The following ROBO2 variants were observed in gnomAD, a reference collection of about 807,000 sequenced individuals.
ROBO2 encodes the protein roundabout homolog 2.
A neutral mutation model predicts 160.8 loss-of-function variants in ROBO2; 53 were observed. The ratio of observed to expected loss-of-function variants is 0.33; its 90% CI spans 0.26 to 0.41. The LOEUF (loss-of-function observed/expected upper bound fraction) is 0.41. Ranked by LOEUF, ROBO2 falls within the 10% of genes least tolerant of loss-of-function variation. ROBO2 has a pLI of 1.00. For missense variants in ROBO2, 1,577 were observed against 1,722.4 expected (o/e 0.92, Z 1.49); for synonymous variants, 664 against 611.7 (o/e 1.09, Z -1.26).
intron 2 of ROBO2, among the ~76,000 whole-genome samples, chr3:77,293,369 G>C (rs2061563034): frequency 6.6e-6 from 1 of 150,622 alleles, no homozygotes; most frequent in Non-Finnish European, 1.5e-5. Context: ...GATTAAACGG[G>C]TAAGCTGAGG....
At chr3:76,403,873 T>C (rs896216744) in intron 2 of ROBO2, among the ~76,000 whole-genome samples, 1 of 151,604 alleles carries the variant, frequency 6.6e-6, no homozygotes, top group African/African-American at 2.4e-5. Flanking sequence ...CCTTTGGTAT[T>C]TAGGACTACC....
At chr3:77,614,188 T>C (rs1355154776) in intron 21 of ROBO2, among the ~76,000 whole-genome samples, 2 of 152,180 alleles carry the variant, frequency 1.3e-5, no homozygotes, top group African/African-American at 2.4e-5. Context: ...AATTTGTAAG[T>C]GGTGGGCAGG....
At chr3:77,492,016 G>A (rs2086185767) in intron 4 of ROBO2, among the ~76,000 whole-genome samples, 1 of 152,134 alleles carries the variant, frequency 6.6e-6, no homozygotes, top group African/African-American at 2.4e-5. Context: ...ATTATTTGAA[G>A]TAATTTATTT....
intron 8 of ROBO2, among the ~76,000 whole-genome samples, chr3:77,556,802 A>G (rs1283203472): frequency 6.6e-6 from 1 of 151,854 alleles, no homozygotes; most frequent in Non-Finnish European, 1.5e-5. Flanking sequence ...TTTCATATAT[A>G]TTCTTTTATA....
At chr3:77,450,985 T>A (rs2153561945) in intron 2 of ROBO2, among the ~76,000 whole-genome samples, 1 of 152,230 alleles carries the variant, frequency 6.6e-6, no homozygotes, top group South Asian at 2.1e-4. Context: ...CCAAACACCC[T>A]AGTTTTCTTG....
At chr3:76,358,667 C>T (rs1307853163) in intron 2 of ROBO2, among the ~76,000 whole-genome samples, 1 of 151,932 alleles carries the variant, frequency 6.6e-6, no homozygotes, top group Non-Finnish European at 1.5e-5. Flanking sequence ...ATTACATGTA[C>T]ATTTGCTCAA....
intron 2 of ROBO2, among the ~76,000 whole-genome samples, chr3:77,411,296 C>T (rs986111748): frequency 3.9e-5 from 6 of 152,110 alleles, no homozygotes; most frequent in Non-Finnish European, 8.8e-5. Flanking sequence ...ATTAATGAAA[C>T]CTTTATTGAG....
intron 2 of ROBO2, among the ~76,000 whole-genome samples, chr3:77,303,718 T>C (rs949478710): frequency 1.4e-4 from 21 of 152,210 alleles, no homozygotes; most frequent in African/African-American, 5.1e-4. Flanking sequence ...TGTGTGTATA[T>C]ATATACATAA....
chr3:76,220,223 T>G (rs1319452174), intron 2 of ROBO2, among the ~76,000 whole-genome samples: 4 of 151,112 alleles, frequency 2.6e-5, no homozygotes, highest in Admixed American at 6.6e-5. Flanking sequence ...ATATACCTAA[T>G]GCTAAATGAC....
intron 2 of ROBO2, among the ~76,000 whole-genome samples, chr3:76,913,301 A>C (rs1284102380): frequency 6.6e-6 from 1 of 152,122 alleles, no homozygotes; most frequent in Admixed American, 6.5e-5. Flanking sequence ...GAAGATCGTC[A>C]TTACGGAGGG....
In ROBO2 at chr3:76,473,557, A is replaced by G. The variant is rs578260851; in HGVS notation, c.109+535955A>G. Among the ~76,000 whole-genome samples, 4 of 152,304 alleles carry G rather than the reference A, an allele frequency of 2.6e-5. No individual in the cohort carries two copies. In the South Asian group the frequency reaches 8.3e-4, roughly 32 times the overall value. On this transcript the variant is annotated intron_variant, in intron 2 of 26. Transcript: ENST00000487694. ...CTTCCTTTGAGAGTCTGACTAGAAC[A>G]ACAGCCACTTTCACCAGAAAAAATA...
intron 2 of ROBO2, among the ~76,000 whole-genome samples, chr3:77,229,513 T>A (rs1223413168): frequency 6.6e-6 from 1 of 151,512 alleles, no homozygotes; most frequent in Admixed American, 6.6e-5. Context: ...AAAAAAAATA[T>A]AGCCAGGTGT....
At chr3:77,231,363 CAAAAAA>C (rs60535204) in intron 2 of ROBO2, among the ~76,000 whole-genome samples, 10 of 59,666 alleles carry the variant, frequency 1.7e-4, no homozygotes, top group South Asian at 1.8e-3. Flanking sequence ...AGACTCCATC[CAAAAAA>C]AAAAAAAAAA....
chr3:76,555,341 GAGGAAGAGT>G lies in ROBO2; in HGVS notation c.110-542664_110-542656del, dbSNP rs1167695503. ...TGTCAAAAAAGAAGAAGAGGAAGAG[GAGGAAGAGT>G]AGGAAGAGAGAAGAAGAAGAAGAAG... On this transcript the variant is annotated intron_variant, in intron 2 of 26. Coordinates refer to the ROBO2 transcript ENST00000487694. 9.5e-5 allele frequency among the ~76,000 whole-genome samples: 8 copies of G among 83,780 alleles called. 1 individual carries two copies. The East Asian group carries it at 1.2e-3, about 13-fold the overall frequency. The allele number at this position is 83,780 out of a possible 152,430, so 55.0% of individuals were successfully genotyped here. A position where few individuals can be genotyped will look rare whatever the true frequency, so the allele number is the denominator to read the frequency against.
intron 2 of ROBO2, among the ~76,000 whole-genome samples, chr3:76,290,276 G>A (rs1389138020): frequency 6.6e-6 from 1 of 152,022 alleles, no homozygotes; most frequent in African/African-American, 2.4e-5. Context: ...GTATTCCTGG[G>A]TATTTTATTC....
At chr3:76,280,585 A>G (rs571705909) in intron 2 of ROBO2, among the ~76,000 whole-genome samples, 1 of 152,158 alleles carries the variant, frequency 6.6e-6, no homozygotes, top group Admixed American at 6.6e-5. Flanking sequence ...TTAATAGACG[A>G]ATCCACTTCC....
At chr3:77,000,964 G>T in intron 2 of ROBO2, among the ~76,000 whole-genome samples, 1 of 152,078 alleles carries the variant, frequency 6.6e-6, no homozygotes, top group East Asian at 1.9e-4. Flanking sequence ...GAGTCTTAAC[G>T]CATCCAGTTT....
chr3:76,437,031 T>C (rs1559942922), intron 2 of ROBO2, among the ~76,000 whole-genome samples: 1 of 152,224 alleles, frequency 6.6e-6, no homozygotes, highest in Non-Finnish European at 1.5e-5. Context: ...TACTTAATTC[T>C]AGCTCAAAAC....
intron 2 of ROBO2, among the ~76,000 whole-genome samples, chr3:76,603,344 AAAAAAAAATATATATATAT>A (rs1379249398): frequency 1.2e-4 from 8 of 64,676 alleles, no homozygotes; most frequent in African/African-American, 4.5e-4. Flanking sequence ...AAAAAAAAAA[AAAAAAAAATATATATATAT>A]ATATATATAT....
Sources: allele counts gnomAD v4.1 joint callset (sites outside exome capture counted in the v4.1 genomes callset), GRCh38; gene constraint gnomAD v4.1.1; transcripts MANE v1.5; gene names NCBI Gene and HGNC (gene_info 2026-07-23, HGNC 2026-07-21).